KCTD20: variants seen among roughly 807,000 people sequenced by gnomAD.
The protein encoded by KCTD20 is potassium channel tetramerization domain containing 20, also known as BTB/POZ domain-containing protein KCTD20.
In KCTD20, 30 loss-of-function variants were observed where a neutral mutation model predicts 39.6. The observed-to-expected ratio is 0.76, with a 90% CI of 0.57 to 1.03. The LOEUF is 1.03. Among genes scored for constraint, KCTD20 ranks in the 50% least tolerant of loss-of-function variants. The probability of loss-of-function intolerance (pLI) is 0.00; values close to 1 mark genes in which losing one functional copy is unlikely to be tolerated. For missense variants in KCTD20, 422 were observed against 522.0 expected (o/e 0.81, Z 1.87); for synonymous variants, 162 against 180.6 (o/e 0.90, Z 0.83).
chr6:36,449,869 A>C (rs930581626), intron 1 of KCTD20, among the ~76,000 whole-genome samples: 4 of 152,190 alleles, frequency 2.6e-5, no homozygotes, highest in Non-Finnish European at 5.9e-5. Flanking sequence ...CTGTTTAAGA[A>C]GTTATGTGTT....
rs553882182 is a variant in KCTD20, at chr6:36,446,024, G to GTTTTTTTTT, written c.-47+2919_-47+2927dup. Among the ~76,000 whole-genome samples the GTTTTTTTTT allele has an allele frequency of 6.2e-4, 79 of 126,520 alleles. 22 individuals are homozygous for GTTTTTTTTT. Among genetic ancestry groups the GTTTTTTTTT allele is most frequent in the Non-Finnish European group, 7.2e-4 (45 of 62,790 alleles). 83.0% of individuals were successfully genotyped at this position (126,520 alleles called of 152,430 possible). ...AAGCCCCAGAAATGTTATGAACTCA[G>GTTTTTTTTT]TTTTTTTTTTTTTTCTTTTGAGACA... On this transcript the variant is annotated intron_variant, in intron 1 of 7. Transcript: ENST00000373731.
chr6:36,484,823 AGG>A lies in KCTD20; in HGVS notation c.967_967+1del. 2 of 1,517,912 alleles carry A rather than the reference AGG, an allele frequency of 1.3e-6. No individual in the cohort carries two copies. The highest frequency in any genetic ancestry group is 1.8e-5 in the Admixed American group (1 of 56,630). The allele number at this position is 1,517,912 out of a possible 1,614,324, so 94.0% of individuals were successfully genotyped here. Reference sequence around the variant, plus strand: ...TAAAAAACATTCGCATTGGAATTGAAGGTAAAAAAAAAAAAAAAATCCCAGTC... The same window carrying A: ...TAAAAAACATTCGCATTGGAATTGAATAAAAAAAAAAAAAAAATCCCAGTC... On this transcript the variant is annotated splice_donor_variant and coding_sequence_variant, in exon 7 of 8. Coordinates refer to ENST00000373731, the MANE Select transcript of KCTD20 (RefSeq NM_173562.5). LOFTEE classifies it high-confidence loss of function.
In KCTD20 at chr6:36,474,867, G is replaced by A. The variant is rs1378705803; in HGVS notation, c.239G>A (p.Gly80Asp). The A allele has an allele frequency of 3.7e-6, 6 of 1,613,970 alleles. No homozygotes were observed. The highest frequency in any genetic ancestry group is 4.2e-6 in the Non-Finnish European group (5 of 1,180,034). ...HIMPLAEDIK[G>D]SCFQSGNKRN... Reference sequence around the variant, plus strand: ...ATGCCCCTTGCTGAAGACATCAAAGGTTCTTGCTTCCAAAGTGGGAATAAA... The same window carrying A: ...ATGCCCCTTGCTGAAGACATCAAAGATTCTTGCTTCCAAAGTGGGAATAAA... The change falls in exon 3 of 8, where the codon GGT becomes GAT. Residue 80 changes from glycine (G) to aspartate (D), a missense_variant. Coordinates refer to ENST00000373731, the MANE Select transcript of KCTD20 (RefSeq NM_173562.5).
At chr6:36,447,430 C>A (rs548352525) in intron 1 of KCTD20, among the ~76,000 whole-genome samples, 69 of 151,898 alleles carry the variant, frequency 4.5e-4, no homozygotes, top group African/African-American at 1.5e-3. Flanking sequence ...GAGTTTGAGA[C>A]CATCCTGGCC....
At chr6:36,475,953 T>C (rs947446678) in intron 3 of KCTD20, among the ~76,000 whole-genome samples, 1 of 152,224 alleles carries the variant, frequency 6.6e-6, no homozygotes, top group African/African-American at 2.4e-5. Flanking sequence ...AGTTGTTTTG[T>C]TGTTTGTTTC....
In KCTD20 at chr6:36,490,291, T is replaced by C. The variant is rs1026687955; in HGVS notation, c.*3116T>C. On this transcript the variant is annotated 3_prime_UTR_variant, in exon 8 of 8. Transcript: ENST00000373731. ...GGCTCACGCCTGTAATCCCAGCACT[T>C]TGGGAGGCCGAGGCCGGCAAATCAC... The C allele has an allele frequency of 2.0e-5, 3 of 152,190 alleles. No individual in the cohort carries two copies. Among genetic ancestry groups the C allele is most frequent in the African/African-American group, 7.2e-5 (3 of 41,420 alleles). The allele number at this position is 152,190 out of a possible 1,614,324, so 9.4% of individuals were successfully genotyped here. A position where few individuals can be genotyped will look rare whatever the true frequency, so the allele number is the denominator to read the frequency against.
At chr6:36,485,631 C>G (rs1776395205) in intron 7 of KCTD20, among the ~76,000 whole-genome samples, 1 of 151,736 alleles carries the variant, frequency 6.6e-6, no homozygotes, top group South Asian at 2.1e-4. Flanking sequence ...GTAGCTGGGA[C>G]TACAGGCACC....
chr6:36,484,916 A>G, intron 7 of KCTD20, 92 bp downstream of exon 7: 1 of 662,588 alleles, frequency 1.5e-6, no homozygotes, highest in South Asian at 2.0e-5. Flanking sequence ...AGGCCTAGAA[A>G]ATAGGCATAC....
In KCTD20 at chr6:36,479,632, C is replaced by T. The variant is rs1213920028; in HGVS notation, c.579C>T (p.Ile193=). 1 of 1,609,774 alleles carries T rather than the reference C, an allele frequency of 6.2e-7. No individual in the cohort carries two copies. Among genetic ancestry groups the T allele is most frequent in the African/African-American group, 1.3e-5 (1 of 74,858 alleles). Residue 193 remains isoleucine, a synonymous_variant, in exon 5 of 8, where the codon ATC becomes ATT. Coordinates refer to ENST00000373731, the MANE Select transcript of KCTD20 (RefSeq NM_173562.5). Reference sequence around the variant, plus strand: ...GTATCATCAATTGTCCTGATGGCATCTCTATCCCAGATCTTAGAGATACTT... The same window carrying T: ...GTATCATCAATTGTCCTGATGGCATTTCTATCCCAGATCTTAGAGATACTT... ...KTGIINCPDG[I]SIPDLRDTCD... is the part of the protein sequence containing the mutation.
At chr6:36,447,653 A>C (rs1475235468) in intron 1 of KCTD20, among the ~76,000 whole-genome samples, 2 of 151,862 alleles carry the variant, frequency 1.3e-5, no homozygotes, top group Non-Finnish European at 2.9e-5. Flanking sequence ...AAAAAATATA[A>C]AATTTTTGAT....
chr6:36,467,108 G>C (rs1028632099), intron 1 of KCTD20, among the ~76,000 whole-genome samples: 1 of 151,666 alleles, frequency 6.6e-6, no homozygotes, highest in African/African-American at 2.4e-5. Flanking sequence ...AGGAGTTTGA[G>C]ACCAGCCTGG....
chr6:36,466,384 C>CTT (rs397745312), intron 1 of KCTD20, among the ~76,000 whole-genome samples: 2,716 of 138,682 alleles, frequency 0.02, 33 homozygotes, highest in Non-Finnish European at 0.024. Flanking sequence ...CTTTTTTTCT[C>CTT]TTTTTTTTTT....
rs1413420167 is a variant in KCTD20 at position 36,459,752 on chromosome 6, T to G, written c.-46-10300T>G. ...CTTGAACTAGATGACCTTTATACTGTTTTCTGACAGTGATTTGTGGATTGT... is the reference window on the plus strand; with the variant it reads ...CTTGAACTAGATGACCTTTATACTGGTTTCTGACAGTGATTTGTGGATTGT... On this transcript the variant is annotated intron_variant, in intron 1 of 7. Coordinates refer to ENST00000373731, the MANE Select transcript of KCTD20 (RefSeq NM_173562.5). Among the ~76,000 whole-genome samples, 3 of 152,198 alleles carry G rather than the reference T, an allele frequency of 2.0e-5. No homozygotes were observed. The East Asian group carries it at 5.8e-4, about 29-fold the overall frequency.
chr6:36,468,385 G>T (rs1412394726), intron 1 of KCTD20, among the ~76,000 whole-genome samples: 2 of 152,184 alleles, frequency 1.3e-5, no homozygotes, highest in East Asian at 3.8e-4. Context: ...AAGTTCTCAA[G>T]AAGCAGGCTC....
intron 1 of KCTD20, among the ~76,000 whole-genome samples, chr6:36,449,440 G>T (rs1267040983): frequency 2.6e-5 from 4 of 151,816 alleles, no homozygotes; most frequent in South Asian, 2.1e-4. Flanking sequence ...GTGCTGATTG[G>T]TGCGTTTACA....
In KCTD20 at chr6:36,487,095, C is replaced by T. The variant is rs772988273; in HGVS notation, c.1180C>T (p.His394Tyr). 25 of 1,614,074 alleles carry T rather than the reference C, an allele frequency of 1.5e-5. No homozygotes were observed. The Admixed American group carries it at 3.5e-4, about 23-fold the overall frequency. ...CTTGGAGGACCAGGAGATATTAATG[C>T]ATCACCCACCCCAAGTGGATGAACT... The part of the protein sequence containing the change: ...DVLEDQEILM[H>Y]HPPQVDELDR... Residue 394 changes from histidine to tyrosine, a missense_variant, in exon 8 of 8, where the codon CAT becomes TAT. Transcript: ENST00000373731.
intron 1 of KCTD20, among the ~76,000 whole-genome samples, chr6:36,468,784 T>C (rs1198747002): frequency 6.6e-6 from 1 of 152,254 alleles, no homozygotes; most frequent in East Asian, 1.9e-4. Flanking sequence ...ACTTTATTCC[T>C]TCAATTTGCT....
chr6:36,450,025 G>A (rs527652530), intron 1 of KCTD20, among the ~76,000 whole-genome samples: 7 of 152,074 alleles, frequency 4.6e-5, no homozygotes, highest in Non-Finnish European at 7.4e-5. Flanking sequence ...TTAGCTGGGC[G>A]TGGTTGCAGG....
At chr6:36,460,997 T>G (rs2127437193) in intron 1 of KCTD20, among the ~76,000 whole-genome samples, 1 of 152,200 alleles carries the variant, frequency 6.6e-6, no homozygotes, top group East Asian at 1.9e-4. Context: ...TCATAAAGTT[T>G]TTTGAGTATT....
Sources: allele counts gnomAD v4.1 joint callset (sites outside exome capture counted in the v4.1 genomes callset), GRCh38; gene constraint gnomAD v4.1.1; transcripts MANE v1.5; gene names NCBI Gene and HGNC (gene_info 2026-07-23, HGNC 2026-07-21).